Variants in RTKN2 observed in about 807,000 individuals in gnomAD.
RTKN2 encodes the protein rhotekin-2.
A neutral mutation model predicts 71.5 loss-of-function variants in RTKN2; 69 were observed. The ratio of observed to expected loss-of-function variants is 0.96; its 90% CI spans 0.79 to 1.18. RTKN2 has a LOEUF of 1.18. Among genes scored for constraint, RTKN2 ranks in the 50% most tolerant of loss-of-function variants. The pLI, the probability that RTKN2 is intolerant of heterozygous loss-of-function variation, is 0.00. For missense variants in RTKN2, 724 were observed against 719.7 expected, an observed-to-expected ratio of 1.01 and a Z score of -0.07; for synonymous variants, 236 against 236.5, an observed-to-expected ratio of 1.00 and a Z score of 0.02.
intron 11 of RTKN2, among the ~76,000 whole-genome samples, chr10:62,198,866 T>C (rs532052855): frequency 6.6e-6 from 1 of 152,252 alleles, no homozygotes; most frequent in East Asian, 1.9e-4. Flanking sequence ...AGAGATTTCC[T>C]TTTTTACAAA....
At chr10:62,191,281 C>T (rs537359879), downstream of RTKN2, among the ~76,000 whole-genome samples, 253 of 152,274 alleles carry the variant, frequency 1.7e-3, no homozygotes, top group Non-Finnish European at 3.1e-3. Flanking sequence ...GGACTGCAGG[C>T]ATGTGCCACC....
intron 9 of RTKN2, among the ~76,000 whole-genome samples, chr10:62,214,829 T>A (rs569469277): frequency 2.6e-5 from 4 of 152,118 alleles, no homozygotes; most frequent in Non-Finnish European, 5.9e-5. Flanking sequence ...CCAAATCTGG[T>A]CTAGCAGTAC....
In RTKN2 at chr10:62,195,274, A is replaced by G. The variant is rs958822024; in HGVS notation, c.*2634T>C. 4 of 984,276 alleles carry G rather than the reference A, an allele frequency of 4.1e-6. No homozygotes were observed. The African/African-American group carries it at 7.0e-5, about 17-fold the overall frequency. 61.0% of individuals were successfully genotyped at this position (984,276 alleles called of 1,614,324 possible). Reference sequence around the variant, plus strand: ...TCTTTGTTTCAAGTTTATAGTCTTCATATATCAAGAAACAAATTAAAAGGA... The same window carrying G: ...TCTTTGTTTCAAGTTTATAGTCTTCGTATATCAAGAAACAAATTAAAAGGA... On this transcript the variant is annotated 3_prime_UTR_variant, in exon 12 of 12. Transcript: ENST00000373789.
intron 2 of RTKN2, among the ~76,000 whole-genome samples, chr10:62,253,113 C>G (rs919486286): frequency 1.3e-5 from 2 of 151,892 alleles, no homozygotes; most frequent in Admixed American, 1.3e-4. Context: ...ACACAAGAAA[C>G]AAGTCTTCAA....
intron 6 of RTKN2, among the ~76,000 whole-genome samples, chr10:62,233,209 T>A (rs1842187573): frequency 6.6e-6 from 1 of 152,184 alleles, no homozygotes; most frequent in African/African-American, 2.4e-5. Context: ...CTGTCATTTT[T>A]AAAATAGGAG....
Position 62,254,251 on chromosome 10 carries a change from C to T in RTKN2, c.258-8194G>A, listed in dbSNP as rs193195321. Among the ~76,000 whole-genome samples, 110 of 152,216 alleles carry T rather than the reference C, an allele frequency of 7.2e-4. 2 individuals are homozygous for T. The highest frequency in any genetic ancestry group is 2.6e-3 in the African/African-American group (109 of 41,544). ...TTGAATCATGGGGGCGGATTTCCCC[C>T]TTGCTATTCTCATGATAGTGAGTTC... On this transcript the variant is annotated intron_variant, in intron 2 of 11. Coordinates refer to ENST00000373789, the MANE Select transcript of RTKN2 (RefSeq NM_145307.4).
chr10:62,203,342 ATTT>A (rs35304270), intron 10 of RTKN2, among the ~76,000 whole-genome samples: 24 of 143,488 alleles, frequency 1.7e-4, no homozygotes, highest in Non-Finnish European at 2.0e-4. Context: ...GATCTGCTGA[ATTT>A]TTTTTTTTTT....
chr10:62,209,927 T>C (rs1841625799), intron 9 of RTKN2, among the ~76,000 whole-genome samples: 2 of 152,170 alleles, frequency 1.3e-5, no homozygotes, highest in Admixed American at 1.3e-4. Context: ...AATGAAAATA[T>C]GTGTGCATGT....
intron 5 of RTKN2, 99 bp from the exon 6 acceptor site, chr10:62,236,362 A>T (rs556893754): frequency 2.5e-6 from 2 of 797,348 alleles, no homozygotes; most frequent in South Asian, 1.9e-5. Context: ...ATCAGCATTT[A>T]ACATCAGGAA....
Position 62,217,086 on chromosome 10 carries a change from A to C in RTKN2, c.1020+32T>G, listed in dbSNP as rs553125374. The C allele has an allele frequency of 5.9e-6, 9 of 1,519,174 alleles. No homozygotes were observed. The East Asian group carries it at 2.1e-4, about 35-fold the overall frequency. The allele number at this position is 1,519,174 out of a possible 1,614,324, so 94.1% of individuals were successfully genotyped here. On this transcript the variant is annotated intron_variant, in intron 9 of 11. Transcript: ENST00000373789. The stretch of plus-strand genomic sequence containing the variant: ...GACAAAAACAAACTTCCTAAGATGT[A>C]TATTTTTTTCTCAAAATAGCATTTC...
At chr10:62,262,369 G>C (rs1418590479) in intron 2 of RTKN2, among the ~76,000 whole-genome samples, 1 of 152,030 alleles carries the variant, frequency 6.6e-6, no homozygotes, top group Admixed American at 6.6e-5. Flanking sequence ...TTCTTAAAAT[G>C]CTCCCTCAGT....
Position 62,194,507 on chromosome 10 carries a change from T to G in RTKN2, c.*3401A>C. On this transcript the variant is annotated 3_prime_UTR_variant, in exon 12 of 12. Transcript: ENST00000373789. ...TCACTCTTTAACAAGAAAATGAGTT[T>G]TGATAAATTCAGACCACAGGGACAG... 2 of 984,508 alleles carry G rather than the reference T, an allele frequency of 2.0e-6. No individual in the cohort carries two copies. Among genetic ancestry groups the G allele is most frequent in the South Asian group, 9.4e-5 (2 of 21,264 alleles). The allele number at this position is 984,508 out of a possible 1,614,324, so 61.0% of individuals were successfully genotyped here.
In RTKN2 at chr10:62,218,334, G is replaced by A. The variant is rs1168708531; in HGVS notation, c.782-33C>T. 2.2e-6 allele frequency: 3 copies of A among 1,345,982 alleles called. No individual in the cohort carries two copies. The African/African-American group carries it at 4.4e-5, about 20-fold the overall frequency. The allele number at this position is 1,345,982 out of a possible 1,614,324, so 83.4% of individuals were successfully genotyped here. A position where few individuals can be genotyped will look rare whatever the true frequency, so the allele number is the denominator to read the frequency against. The stretch of plus-strand genomic sequence containing the variant: ...AAGGAGAAAGAAAAAAAAAAATCAA[G>A]TTATAAATATAAGTTTATTTAAGGT... On this transcript the variant is annotated intron_variant, in intron 7 of 11. Coordinates refer to ENST00000373789, the MANE Select transcript of RTKN2 (RefSeq NM_145307.4).
chr10:62,188,320 GTATAGCTACTGTCTTCCCCC>G (rs2132758188), downstream of RTKN2, among the ~76,000 whole-genome samples: 1 of 152,268 alleles, frequency 6.6e-6, no homozygotes, highest in South Asian at 2.1e-4. Flanking sequence ...GACTGTCTGA[GTATAGCTACTGTCTTCCCCC>G]TAAGTGAGTG....
intron 11 of RTKN2, among the ~76,000 whole-genome samples, chr10:62,198,894 G>A (rs558887214): frequency 1.1e-4 from 16 of 152,186 alleles, no homozygotes; most frequent in Non-Finnish European, 1.8e-4. Context: ...TATATATTAG[G>A]ATGACTGCAT....
In RTKN2 at chr10:62,236,077, G is replaced by T; in HGVS notation, c.675C>A (p.Ser225Arg). 6.2e-7 allele frequency: 1 copy of T among 1,610,006 alleles called. No individual in the cohort carries two copies. The highest frequency in any genetic ancestry group is 1.1e-5 in the South Asian group (1 of 90,960). ...EEDDEMCLLL[S>R]SAVFGVKYNL... is the part of the protein sequence containing the mutation. ...TATTAAAAACTTACAAAACAGCAGA[G>T]CTGAGGAGCAAGCACATTTCATCAT... The change falls in exon 6 of 12, where the codon AGC becomes AGA. Residue 225 changes from serine (S) to arginine (R), a missense_variant. Ser to Arg is a moderately radical substitution (Grantham distance 110). Coordinates refer to ENST00000373789, the MANE Select transcript of RTKN2 (RefSeq NM_145307.4).
At chr10:62,192,949 T>C (rs1490398282), downstream of RTKN2, among the ~76,000 whole-genome samples, 1 of 152,160 alleles carries the variant, frequency 6.6e-6, no homozygotes, top group East Asian at 1.9e-4. Context: ...TGTATGAGTA[T>C]GTATGTATGT....
intron 10 of RTKN2, among the ~76,000 whole-genome samples, chr10:62,202,587 A>AG (rs1246161820): frequency 6.6e-6 from 1 of 152,222 alleles, no homozygotes; most frequent in African/African-American, 2.4e-5. Context: ...GTACTTTAAA[A>AG]ATTACATAGG....
At chr10:62,184,058 T>C (rs1841096475) in exon 9 of RTKN2, 3 of 364,108 alleles carry the variant, frequency 8.2e-6, no homozygotes, top group Non-Finnish European at 1.5e-5. Context: ...CATGTACTAA[T>C]GAACAATGAA....
Sources: allele counts gnomAD v4.1 joint callset (sites outside exome capture counted in the v4.1 genomes callset), GRCh38; gene constraint gnomAD v4.1.1; transcripts MANE v1.5; gene names NCBI Gene and HGNC (gene_info 2026-07-23, HGNC 2026-07-21).